Variants in GAB2 observed in about 807,000 individuals in gnomAD.
The protein encoded by GAB2 is GRB2 associated binding protein 2.
In GAB2, 26 loss-of-function variants were observed where a neutral mutation model predicts 65.5. The ratio of observed to expected loss-of-function variants is 0.40; its 90% CI spans 0.29 to 0.55. The LOEUF (loss-of-function observed/expected upper bound fraction) is 0.55. Ranked by LOEUF, GAB2 falls within the 20% of genes least tolerant of loss-of-function variation. GAB2 has a pLI of 0.53. For synonymous variants in GAB2, 321 were observed against 329.6 expected, an observed-to-expected ratio of 0.97 and a Z score of 0.28; for missense variants, 884 against 875.8, an observed-to-expected ratio of 1.01 and a Z score of -0.12.
intron 1 of GAB2, among the ~76,000 whole-genome samples, chr11:78,377,043 T>G (rs766694254): frequency 6.6e-6 from 1 of 152,178 alleles, no homozygotes; most frequent in Non-Finnish European, 1.5e-5. Context: ...CTCTTCCCCT[T>G]TCATCTCCTG....
At chr11:78,358,968 A>G (rs765189964) in intron 1 of GAB2, among the ~76,000 whole-genome samples, 2 of 152,246 alleles carry the variant, frequency 1.3e-5, no homozygotes, top group Non-Finnish European at 2.9e-5. Context: ...TTGAAATGAA[A>G]AAGTCCATGG....
intron 1 of GAB2, among the ~76,000 whole-genome samples, chr11:78,355,176 C>T (rs984815405): frequency 2.0e-5 from 3 of 152,188 alleles, no homozygotes; most frequent in Non-Finnish European, 2.9e-5. Context: ...TCTGGCTTTG[C>T]TAAAAGCACT....
intron 1 of GAB2, among the ~76,000 whole-genome samples, chr11:78,355,525 G>C (rs1182246333): frequency 2.6e-5 from 4 of 151,968 alleles, no homozygotes; most frequent in African/African-American, 9.7e-5. Flanking sequence ...AAGAGACCAA[G>C]CTCAGGCGGG....
At chr11:78,226,352 C>G (rs1317435124) in intron 4 of GAB2, 113 bp downstream of exon 4, 1 of 824,364 alleles carries the variant, frequency 1.2e-6, no homozygotes, top group African/African-American at 1.7e-5. Context: ...TATCAGTGAC[C>G]TAGGTGGTTC....
In GAB2 at chr11:78,219,206, G is replaced by GA; in HGVS notation, c.*65dup. ...GGATGGGAGGAAGAACGGGAGAGGG[G>GA]AGAGGGGAGATGGGAAGGGCCAGCT... On this transcript the variant is annotated 3_prime_UTR_variant, in exon 10 of 10. Coordinates refer to ENST00000361507, the MANE Select transcript of GAB2 (RefSeq NM_080491.3). 1 of 1,465,964 alleles carries GA rather than the reference G, an allele frequency of 6.8e-7. No homozygotes were observed. The highest frequency in any genetic ancestry group is 1.2e-5 in the South Asian group (1 of 85,510). 90.8% of individuals were successfully genotyped at this position (1,465,964 alleles called of 1,614,324 possible).
At chr11:78,304,195 T>C (rs924651659) in intron 1 of GAB2, among the ~76,000 whole-genome samples, 3 of 152,164 alleles carry the variant, frequency 2.0e-5, no homozygotes, top group Non-Finnish European at 4.4e-5. Context: ...ATTATGCTTT[T>C]ATTTTTTAAT....
chr11:78,322,297 T>A (rs1367928619), intron 1 of GAB2, among the ~76,000 whole-genome samples: 4 of 19,794 alleles, frequency 2.0e-4, no homozygotes, highest in Non-Finnish European at 3.2e-4. Flanking sequence ...AGACTCTGTC[T>A]CAAAAAAAAA....
At chr11:78,241,685 A>C (rs925923632) in intron 3 of GAB2, among the ~76,000 whole-genome samples, 16 of 152,224 alleles carry the variant, frequency 1.1e-4, no homozygotes, top group African/African-American at 3.9e-4. Flanking sequence ...GAGAGCTTCA[A>C]CAGCAAACTT....
At position 78,385,544 on chromosome 11, in the gene GAB2, G is replaced by A. The variant is rs60821055; in HGVS notation, c.75+32102C>T. Among the ~76,000 whole-genome samples, 791 of 152,310 alleles carry A rather than the reference G, an allele frequency of 5.2e-3. 4 individuals are homozygous for A. Among genetic ancestry groups the A allele is most frequent in the African/African-American group, 0.018 (739 of 41,554 alleles). ...CACACCAAAGAATTCACACAGGAGAGAAGCCCTTTAAATGTCATGAATGTG... is the reference window on the plus strand; with the variant it reads ...CACACCAAAGAATTCACACAGGAGAAAAGCCCTTTAAATGTCATGAATGTG... On this transcript the variant is annotated intron_variant, in intron 1 of 9. Transcript: ENST00000361507.
Position 78,238,206 on chromosome 11 carries a change from CAAAAAAAAAA to C in GAB2, c.621-11165_621-11156del, listed in dbSNP as rs10541492. Among the ~76,000 whole-genome samples the C allele has an allele frequency of 3.1e-3, 329 of 104,802 alleles. 1 individual carries two copies. Among genetic ancestry groups the C allele is most frequent in the African/African-American group, 0.011 (315 of 28,062 alleles). 68.8% of individuals were successfully genotyped at this position (104,802 alleles called of 152,430 possible). Reference sequence around the variant, plus strand: ...TTAAAATAAAAGTTGAGGGAAGAAACAAAAAAAAAAAAAAAAAAAAGAAAATGTGGCAGAA... The same window carrying C: ...TTAAAATAAAAGTTGAGGGAAGAAACAAAAAAAAAAGAAAATGTGGCAGAA... On this transcript the variant is annotated intron_variant, in intron 3 of 9. Transcript: ENST00000361507.
intron 1 of GAB2, among the ~76,000 whole-genome samples, chr11:78,380,980 CCTTAT>C (rs1453151678): frequency 1.3e-5 from 2 of 152,114 alleles, no homozygotes; most frequent in African/African-American, 4.8e-5. Context: ...GTAAGTGAAA[CCTTAT>C]CTTCTCTACT....
intron 9 of GAB2, among the ~76,000 whole-genome samples, chr11:78,219,709 C>T (rs1024646744): frequency 6.6e-6 from 1 of 152,186 alleles, no homozygotes; most frequent in African/African-American, 2.4e-5. Context: ...GGGTCCAGGC[C>T]TTCATCTCTG....
chr11:78,233,958 GA>G (rs1864918518), intron 3 of GAB2, among the ~76,000 whole-genome samples: 1 of 152,110 alleles, frequency 6.6e-6, no homozygotes, highest in African/African-American at 2.4e-5. Context: ...TTTTAATTTT[GA>G]TAAAGACTAC....
intron 1 of GAB2, among the ~76,000 whole-genome samples, chr11:78,308,960 G>A (rs2134639255): frequency 6.6e-6 from 1 of 152,312 alleles, no homozygotes; most frequent in South Asian, 2.1e-4. Context: ...AAGATGCTGA[G>A]GGTAGGAGAA....
At chr11:78,282,663 A>G (rs1224413636) in intron 1 of GAB2, among the ~76,000 whole-genome samples, 2 of 152,050 alleles carry the variant, frequency 1.3e-5, no homozygotes, top group Non-Finnish European at 2.9e-5. Flanking sequence ...TGCCTCATCT[A>G]TATGAAAATC....
At chr11:78,294,063 C>T (rs560097640) in intron 1 of GAB2, among the ~76,000 whole-genome samples, 1 of 152,274 alleles carries the variant, frequency 6.6e-6, no homozygotes, top group African/African-American at 2.4e-5. Flanking sequence ...GCTATCCCCT[C>T]CCCGCTCCCT....
chr11:78,230,874 C>G (rs1223929458), intron 3 of GAB2, among the ~76,000 whole-genome samples: 1 of 152,188 alleles, frequency 6.6e-6, no homozygotes, highest in African/African-American at 2.4e-5. Context: ...GTCTTATGGC[C>G]TTTAGTATTT....
intron 1 of GAB2, among the ~76,000 whole-genome samples, chr11:78,408,492 CACAA>C (rs1399201725): frequency 3.3e-5 from 5 of 152,220 alleles, no homozygotes; most frequent in Admixed American, 2.6e-4. Context: ...AAAAACAGAA[CACAA>C]ACAAAAAATA....
chr11:78,242,227 G>C (rs1865152137), intron 3 of GAB2, among the ~76,000 whole-genome samples: 1 of 152,248 alleles, frequency 6.6e-6, no homozygotes, highest in East Asian at 1.9e-4. Context: ...TTAGAGCCGG[G>C]TGTGGTGGCT....
Sources: allele counts gnomAD v4.1 joint callset (sites outside exome capture counted in the v4.1 genomes callset), GRCh38; gene constraint gnomAD v4.1.1; transcripts MANE v1.5; gene names NCBI Gene and HGNC (gene_info 2026-07-23, HGNC 2026-07-21).